The following TMEM266 variants were observed in gnomAD, a reference collection of about 807,000 sequenced individuals.
The protein encoded by TMEM266 is transmembrane protein 266, also known as Hv1 related protein 1.
A neutral mutation model predicts 50.5 loss-of-function variants in TMEM266; 33 were observed. The observed-to-expected ratio is 0.65, with a 90% CI of 0.50 to 0.87. TMEM266 has a LOEUF of 0.87. TMEM266 is among the 40% of genes least tolerant of loss of function. The probability of loss-of-function intolerance (pLI) is 0.00; values close to 1 mark genes in which losing one functional copy is unlikely to be tolerated. For synonymous variants in TMEM266, 310 were observed against 292.3 expected (o/e 1.06, Z -0.62); for missense variants, 655 against 695.1 (o/e 0.94, Z 0.65).
chr15:76,068,727 T>A (rs1426961971), intron 1 of TMEM266, among the ~76,000 whole-genome samples: 1 of 152,208 alleles, frequency 6.6e-6, no homozygotes, highest in Non-Finnish European at 1.5e-5. Context: ...CATGCTGGCA[T>A]CCTGATCCAG....
intron 8 of TMEM266, 66 bp from the exon 9 acceptor site, chr15:76,191,902 A>G: frequency 7.0e-7 from 1 of 1,422,028 alleles, no homozygotes; most frequent in Non-Finnish European, 9.3e-7. Flanking sequence ...AAGCGCCCAG[A>G]GGTCAGGCTG....
intron 3 of TMEM266, among the ~76,000 whole-genome samples, chr15:76,148,473 A>C (rs2955721): frequency 0.2 from 30,537 of 152,022 alleles, 4,059 homozygotes; most frequent in African/African-American, 0.38. Flanking sequence ...AGAATTGAGG[A>C]CTTCAGGGTG....
intron 1 of TMEM266, among the ~76,000 whole-genome samples, chr15:76,081,475 C>CT (rs2036693323): frequency 6.6e-6 from 1 of 152,198 alleles, no homozygotes; most frequent in African/African-American, 2.4e-5. Flanking sequence ...CCTGGGCTCA[C>CT]TAACGATGAT....
chr15:76,119,222 A>G (rs906423654), intron 1 of TMEM266, among the ~76,000 whole-genome samples: 27 of 152,144 alleles, frequency 1.8e-4, no homozygotes, highest in African/African-American at 5.8e-4. Flanking sequence ...AATGATTTTT[A>G]TCTACTTGGT....
chr15:76,126,507 T>C (rs1459887848), intron 1 of TMEM266, among the ~76,000 whole-genome samples: 1 of 151,056 alleles, frequency 6.6e-6, no homozygotes, highest in East Asian at 1.9e-4. Flanking sequence ...GAAAGACAAA[T>C]ACTGCACGAT....
At chr15:76,100,042 C>T (rs776718960) in intron 1 of TMEM266, among the ~76,000 whole-genome samples, 1 of 152,152 alleles carries the variant, frequency 6.6e-6, no homozygotes, top group Non-Finnish European at 1.5e-5. Context: ...GATCCAATCA[C>T]CTCCCACCAG....
Position 76,203,989 on chromosome 15 carries a change from C to G in TMEM266, c.1270C>G (p.Pro424Ala). 6.2e-7 allele frequency: 1 copy of G among 1,608,590 alleles called. No homozygotes were observed. Among genetic ancestry groups the G allele is most frequent in the Non-Finnish European group, 8.5e-7 (1 of 1,176,004 alleles). ...CGAGGAGCCGTCCTCTGAGCCCGGC[C>G]CTTCTCCCCCGCCGCTGCCATCCCA... Residue 424 changes from proline (P) to alanine (A), a missense_variant, in exon 11 of 11, where the codon CCT becomes GCT. Physicochemically the swap from Pro to Ala is conservative, Grantham distance 27 (BLOSUM62 -1). This residue lies in a region of TMEM266 where 455 missense variants were observed against 401.8 expected (regional missense o/e 1.13). Coordinates refer to ENST00000388942, the MANE Select transcript of TMEM266 (RefSeq NM_152335.3).
At chr15:76,132,520 G>T (rs997064821) in intron 1 of TMEM266, among the ~76,000 whole-genome samples, 4 of 152,128 alleles carry the variant, frequency 2.6e-5, no homozygotes, top group African/African-American at 4.8e-5. Context: ...TATGGGCGGG[G>T]CACAGTGGCT....
chr15:76,155,348 G>A (rs902472225), intron 3 of TMEM266, among the ~76,000 whole-genome samples: 1 of 152,158 alleles, frequency 6.6e-6, no homozygotes, highest in South Asian at 2.1e-4. Context: ...CCTCAGAGGG[G>A]CCTTTCTTGT....
intron 1 of TMEM266, among the ~76,000 whole-genome samples, chr15:76,122,911 A>C (rs2037365635): frequency 6.6e-6 from 1 of 152,120 alleles, no homozygotes; most frequent in Admixed American, 6.5e-5. Flanking sequence ...GGAAGGGAAG[A>C]ATTACGATAA....
chr15:76,155,775 CAGTCTACTTTGAAAA>C (rs1038996706), intron 3 of TMEM266, among the ~76,000 whole-genome samples: 2 of 152,178 alleles, frequency 1.3e-5, no homozygotes, highest in African/African-American at 4.8e-5. Context: ...GTGTTCCACT[CAGTCTACTTTGAAAA>C]ACAGCAATCT....
chr15:76,165,345 C>A (rs949643513), intron 5 of TMEM266, among the ~76,000 whole-genome samples: 1 of 152,218 alleles, frequency 6.6e-6, no homozygotes, highest in African/African-American at 2.4e-5. Flanking sequence ...TGCCACTCTT[C>A]GCACCTCAGT....
intron 3 of TMEM266, among the ~76,000 whole-genome samples, chr15:76,148,297 A>G: frequency 6.6e-6 from 1 of 152,306 alleles, no homozygotes; most frequent in South Asian, 2.1e-4. Flanking sequence ...GAGGGAGATC[A>G]TGGCTGACCC....
intron 1 of TMEM266, among the ~76,000 whole-genome samples, chr15:76,095,361 A>G (rs191658547): frequency 1.4e-4 from 21 of 152,174 alleles, no homozygotes; most frequent in Admixed American, 2.6e-4. Context: ...TTCTGCATCT[A>G]TTGAGATAAT....
At chr15:76,131,684 C>G (rs1178455893) in intron 1 of TMEM266, among the ~76,000 whole-genome samples, 1 of 152,160 alleles carries the variant, frequency 6.6e-6, no homozygotes, top group South Asian at 2.1e-4. Context: ...TTAGACCCTC[C>G]TTACTAAGGA....
In TMEM266 at chr15:76,078,566, T is replaced by C. The variant is rs535884257; in HGVS notation, c.-97+18550T>C. On this transcript the variant is annotated intron_variant, in intron 1 of 10. Coordinates refer to ENST00000388942, the MANE Select transcript of TMEM266 (RefSeq NM_152335.3). ...CAGCCTTTGGGTCTTCCAGATACTATCTAATGTCACCATTGATCTCTCTGT... is the reference window on the plus strand; with the variant it reads ...CAGCCTTTGGGTCTTCCAGATACTACCTAATGTCACCATTGATCTCTCTGT... Among the ~76,000 whole-genome samples, 4 of 152,348 alleles carry C rather than the reference T, an allele frequency of 2.6e-5. No homozygotes were observed. The South Asian group carries it at 8.3e-4, about 32-fold the overall frequency.
chr15:76,204,585 TGTGGCCCAGCTTCAGCAGG>T lies in TMEM266; in HGVS notation c.*273_*291del. The T allele has an allele frequency of 3.3e-6, 1 of 304,142 alleles. No individual in the cohort carries two copies. The highest frequency in any genetic ancestry group is 6.1e-6 in the Non-Finnish European group (1 of 163,556). 18.8% of individuals were successfully genotyped at this position (304,142 alleles called of 1,614,324 possible). A position where few individuals can be genotyped will look rare whatever the true frequency, so the allele number is the denominator to read the frequency against. ...TTAACCATTTTTACAAAAACCAGCC[TGTGGCCCAGCTTCAGCAGG>T]GTAGAGTGTGGGGGGGCCAGCTCAG... is the stretch of plus-strand genomic sequence containing the variant. On this transcript the variant is annotated 3_prime_UTR_variant, in exon 11 of 11. Transcript: ENST00000388942.
intron 3 of TMEM266, among the ~76,000 whole-genome samples, chr15:76,145,402 C>A (rs928322300): frequency 6.6e-6 from 1 of 152,204 alleles, no homozygotes; most frequent in African/African-American, 2.4e-5. Flanking sequence ...GGTCATCAGG[C>A]CACATCCTTC....
chr15:76,194,578 T>C (rs1386411482), intron 9 of TMEM266, among the ~76,000 whole-genome samples: 1 of 152,126 alleles, frequency 6.6e-6, no homozygotes, highest in Non-Finnish European at 1.5e-5. Context: ...CTCACAGTGC[T>C]GGGGGCTGGA....
Sources: allele counts gnomAD v4.1 joint callset (sites outside exome capture counted in the v4.1 genomes callset), GRCh38; gene constraint gnomAD v4.1.1; regional missense constraint gnomAD v4.1.1; transcripts MANE v1.5; gene names NCBI Gene and HGNC (gene_info 2026-07-23, HGNC 2026-07-21).